The following NPIPB11 variants were observed in gnomAD, a reference collection of about 807,000 sequenced individuals.
The protein encoded by NPIPB11 is nuclear pore complex interacting protein family member B11.
Under a neutral mutation model 32.8 loss-of-function variants are expected in NPIPB11, and 17 were observed. The ratio of observed to expected loss-of-function variants is 0.52; its 90% CI spans 0.35 to 0.78. The LOEUF (loss-of-function observed/expected upper bound fraction) is 0.78, where lower values mean the gene tolerates loss of function less well. Ranked by LOEUF, NPIPB11 falls within the 30% of genes least tolerant of loss-of-function variation. The probability of loss-of-function intolerance (pLI) is 0.01; values close to 1 mark genes in which losing one functional copy is unlikely to be tolerated. For synonymous variants in NPIPB11, 209 were observed against 398.4 expected (o/e 0.52, Z 5.66); for missense variants, 537 against 1,000.4 (o/e 0.54, Z 6.25).
chr16:29,397,247 T>C (rs2142133839), intron 2 of NPIPB11, among the ~76,000 whole-genome samples: 1 of 150,956 alleles, frequency 6.6e-6, no homozygotes, highest in Non-Finnish European at 1.5e-5. Flanking sequence ...CTTTGTTTGT[T>C]AGAGACAAGA....
At chr16:29,397,376 T>A (rs1347575994) in intron 2 of NPIPB11, among the ~76,000 whole-genome samples, 1 of 151,100 alleles carries the variant, frequency 6.6e-6, no homozygotes, top group Non-Finnish European at 1.5e-5. Flanking sequence ...CCGACTAATC[T>A]TTTTTGGAAT....
chr16:29,395,610 A>G (rs1282760475), intron 2 of NPIPB11, among the ~76,000 whole-genome samples: 4 of 86,426 alleles, frequency 4.6e-5, no homozygotes, highest in African/African-American at 3.0e-4. Context: ...AAAGCTCAGC[A>G]TAAGTAAAAA....
At chr16:29,397,460 C>T in intron 2 of NPIPB11, 1 of 1,166,974 alleles carries the variant, frequency 8.6e-7, no homozygotes, top group Non-Finnish European at 1.2e-6. Flanking sequence ...ATCTGCCCAC[C>T]TCGGCCCCCT....
intron 3 of NPIPB11, among the ~76,000 whole-genome samples, chr16:29,393,706 T>C (rs528124575): frequency 1.1e-4 from 16 of 152,144 alleles, no homozygotes; most frequent in South Asian, 4.2e-4. Flanking sequence ...AGCACAAAGG[T>C]TAAAAAAACT....
At chr16:29,401,492 AG>A (rs1963990304) in intron 2 of NPIPB11, among the ~76,000 whole-genome samples, 1 of 152,074 alleles carries the variant, frequency 6.6e-6, no homozygotes, top group African/African-American at 2.4e-5. Flanking sequence ...CACCTGGCTG[AG>A]GATAAAGCAA....
At chr16:29,390,009 C>T (rs1428100778) in exon 5 of NPIPB11, 2 of 1,593,272 alleles carry the variant, frequency 1.3e-6, no homozygotes, top group South Asian at 1.1e-5. Flanking sequence ...TCACCTTCCT[C>T]TTACGGATTT....
At chr16:29,389,522 A>T (rs1247797943) in intron 5 of NPIPB11, among the ~76,000 whole-genome samples, 1 of 150,300 alleles carries the variant, frequency 6.7e-6, no homozygotes, top group African/African-American at 2.5e-5. Context: ...AAAAATACAA[A>T]AATTAGCTGG....
At chr16:29,393,830 C>A in intron 3 of NPIPB11, 118 bp downstream of exon 3, 4 of 1,232,506 alleles carry the variant, frequency 3.2e-6, no homozygotes, top group Non-Finnish European at 3.3e-6. Flanking sequence ...AATCATTTCC[C>A]TGATTTTTTG....
At chr16:29,395,341 G>T (rs376758872) in intron 2 of NPIPB11, among the ~76,000 whole-genome samples, 24 of 47,284 alleles carry the variant, frequency 5.1e-4, no homozygotes, top group African/African-American at 5.7e-4. Context: ...TTTGTATTTT[G>T]AGTAGAAACA....
rs1596681305 is a variant in NPIPB11 at position 29,397,686 on chromosome 16, T to C, written c.121-3610A>G. On this transcript the variant is annotated intron_variant, in intron 2 of 7. Transcript: ENST00000524087. ...CGCCCTGAGGCGTCCAGGACAGAGG[T>C]GGAGGTGGCTTAGGGCAGGGGGGAG... The C allele has an allele frequency of 4.7e-6, 4 of 848,350 alleles. No individual in the cohort carries two copies. The South Asian group carries it at 6.1e-5, about 13-fold the overall frequency. 52.6% of individuals were successfully genotyped at this position (848,350 alleles called of 1,614,324 possible). A position where few individuals can be genotyped will look rare whatever the true frequency, so the allele number is the denominator to read the frequency against.
chr16:29,399,137 G>A (rs1205074023), intron 2 of NPIPB11, among the ~76,000 whole-genome samples: 2 of 151,766 alleles, frequency 1.3e-5, no homozygotes, highest in African/African-American at 4.8e-5. Flanking sequence ...CAGGACCCAG[G>A]GGTCTGGTGA....
chr16:29,405,236 G>A (rs553910351), upstream of NPIPB11, among the ~76,000 whole-genome samples: 24 of 151,834 alleles, frequency 1.6e-4, no homozygotes, highest in East Asian at 3.9e-4. Context: ...AAGAAAAATC[G>A]ATATTGTAGG....
chr16:29,382,015 GCGGCCCCCGCA>G lies in NPIPB11; in HGVS notation c.2906_2916del (p.Leu969ProfsTer7). 1 of 990,572 alleles carries G rather than the reference GCGGCCCCCGCA, an allele frequency of 1.0e-6. No homozygotes were observed. Among genetic ancestry groups the G allele is most frequent in the Non-Finnish European group, 1.4e-6 (1 of 704,572 alleles). 61.4% of individuals were successfully genotyped at this position (990,572 alleles called of 1,614,324 possible). ...AGATTATCATCGGCTGAGGGTGGAAGCGGCCCCCGCAGACGCTCGGCAGGTGTCTTGATATT... is the reference window on the plus strand; with the variant it reads ...AGATTATCATCGGCTGAGGGTGGAAGGACGCTCGGCAGGTGTCTTGATATT... On this transcript the variant is annotated frameshift_variant, in exon 8 of 8. Coordinates refer to ENST00000524087, the Ensembl canonical transcript of NPIPB11. LOFTEE classifies it high-confidence loss of function.
At chr16:29,394,414 T>C (rs1208479810) in intron 2 of NPIPB11, among the ~76,000 whole-genome samples, 2 of 62,582 alleles carry the variant, frequency 3.2e-5, no homozygotes, top group East Asian at 4.2e-3. Flanking sequence ...TAGCTGATGA[T>C]CTAAAAAAAA....
At chr16:29,389,649 C>A (rs1472319456) in intron 5 of NPIPB11, among the ~76,000 whole-genome samples, 3 of 98,822 alleles carry the variant, frequency 3.0e-5, no homozygotes, top group Non-Finnish European at 5.5e-5. Context: ...TGGGCAACAA[C>A]AGCAAAGCTC....
At chr16:29,397,426 G>C in intron 2 of NPIPB11, 1 of 866,980 alleles carries the variant, frequency 1.2e-6, no homozygotes, top group Non-Finnish European at 1.6e-6. Context: ...GCCCTGGCTA[G>C]TCTTCAACGC....
In NPIPB11 at chr16:29,399,816, C is replaced by T. The variant is rs572196125; in HGVS notation, c.120+3867G>A. Among the ~76,000 whole-genome samples the T allele has an allele frequency of 1.5e-3, 233 of 152,046 alleles. 3 individuals carry two copies. The highest frequency in any genetic ancestry group is 5.4e-3 in the African/African-American group (222 of 41,468). ...AGATTTGGCTGGGCATGGTGGCTCA[C>T]GCCTGTAATCCCAGCACTTTGGGAG... On this transcript the variant is annotated intron_variant, in intron 2 of 7. Transcript: ENST00000524087.
At chr16:29,401,951 A>T (rs1964002006) in intron 2 of NPIPB11, among the ~76,000 whole-genome samples, 1 of 151,122 alleles carries the variant, frequency 6.6e-6, no homozygotes, top group South Asian at 2.1e-4. Flanking sequence ...TACCTAGCCC[A>T]TCCTAGCAGG....
intron 2 of NPIPB11, among the ~76,000 whole-genome samples, chr16:29,396,002 G>T (rs1210379491): frequency 3.3e-5 from 5 of 150,718 alleles, no homozygotes; most frequent in African/African-American, 9.7e-5. Flanking sequence ...AATTACCAAG[G>T]TGGAGATCAT....
Sources: gnomAD v4.1 joint callset for allele counts (sites outside exome capture counted in the v4.1 genomes callset) on GRCh38, gnomAD v4.1.1 for gene constraint, MANE v1.5 for transcripts, NCBI Gene and HGNC (gene_info 2026-07-23, HGNC 2026-07-21) for gene names.